The following POMGNT1 variants were observed in gnomAD, a reference collection of about 807,000 sequenced individuals.
The protein encoded by POMGNT1 is protein O-linked mannose N-acetylglucosaminyltransferase 1 (beta 1,2-).
A neutral mutation model predicts 95.6 loss-of-function variants in POMGNT1; 67 were observed. That is an observed-to-expected ratio of 0.70 (90% CI 0.58 to 0.86). The LOEUF (loss-of-function observed/expected upper bound fraction) is 0.86. Ranked by LOEUF, POMGNT1 falls within the 40% of genes least tolerant of loss-of-function variation. The pLI is 0.00. For missense variants in POMGNT1, 719 were observed against 855.2 expected, an observed-to-expected ratio of 0.84 and a Z score of 1.99; for synonymous variants, 298 against 317.9, an observed-to-expected ratio of 0.94 and a Z score of 0.66.
At chr1:46,195,448 CCTCT>C in intron 6 of POMGNT1, 1 of 378,848 alleles carries the variant, frequency 2.6e-6, no homozygotes, top group East Asian at 6.5e-5. Flanking sequence ...TGTCCCCTCC[CCTCT>C]ATCATTCATT....
At chr1:46,219,502 G>A (rs974773394) in intron 1 of POMGNT1, among the ~76,000 whole-genome samples, 1 of 152,172 alleles carries the variant, frequency 6.6e-6, no homozygotes, top group African/African-American at 2.4e-5. Context: ...GCTCAAAGAA[G>A]ATATGTCTAA....
Position 46,198,396 on chromosome 1 carries a change from C to T in POMGNT1, c.-111G>A, listed in dbSNP as rs1231166627. On this transcript the variant is annotated 5_prime_UTR_variant, in exon 1 of 22. Transcript: ENST00000371984. ...AGGGCCCTCACTGCTCGGCCCGGCT[C>T]GCCGCGGCCTCCGCCTCCTCCATGC... The T allele has an allele frequency of 6.6e-6, 1 of 151,984 alleles. No homozygotes were observed. The highest frequency in any genetic ancestry group is 1.5e-5 in the Non-Finnish European group (1 of 67,668). The allele number at this position is 151,984 out of a possible 1,614,324, so 9.4% of individuals were successfully genotyped here.
At chr1:46,219,875 C>T (rs774247610) in exon 1 of POMGNT1, 1 of 1,613,758 alleles carries the variant, frequency 6.2e-7, no homozygotes, top group Non-Finnish European at 8.5e-7. Flanking sequence ...CAAGGCGAGG[C>T]AGCTGGGACA....
chr1:46,192,640 G>C, intron 14 of POMGNT1, 50 bp from the exon 15 acceptor site: 4 of 1,609,394 alleles, frequency 2.5e-6, no homozygotes, highest in Non-Finnish European at 3.4e-6. Context: ...GATAAATCTA[G>C]TCACACAGAG....
chr1:46,196,975 T>G lies in POMGNT1; in HGVS notation c.230A>C (p.Asp77Ala). 1 of 1,614,216 alleles carries G rather than the reference T, an allele frequency of 6.2e-7. No individual in the cohort carries two copies. The highest frequency in any genetic ancestry group is 1.1e-5 in the South Asian group (1 of 91,080). The change falls in exon 3 of 22, where the codon GAC becomes GCC. Residue 77 changes from aspartate to alanine, a missense_variant. Coordinates refer to ENST00000371984, the MANE Select transcript of POMGNT1 (RefSeq NM_017739.4). The surrounding 1 kb of genome is among the most constrained non-coding windows in gnomAD (Gnocchi z 4.4). Reference protein sequence around the residue: ...EANEDPEPEQDYDEALGRLEP... With the variant: ...EANEDPEPEQAYDEALGRLEP... ...CATCCTTAGCCTAGCCCTACCATAGTCTTGCTCTGGCTCTGGGTCTTCATT... is the reference window on the plus strand; with the variant it reads ...CATCCTTAGCCTAGCCCTACCATAGGCTTGCTCTGGCTCTGGGTCTTCATT...
intron 1 of POMGNT1, among the ~76,000 whole-genome samples, chr1:46,206,796 G>T (rs979411600): frequency 2.0e-5 from 3 of 152,188 alleles, no homozygotes; most frequent in African/African-American, 7.2e-5. Flanking sequence ...TCACAGAACT[G>T]AATGTGACCT....
Position 46,193,354 on chromosome 1 carries a change from C to T in POMGNT1, c.1061G>A (p.Arg354Lys), listed in dbSNP as rs1232391757. ...GCTGATGGGAGTATGCTGGATGCCC[C>T]TCAGACCAAACAGTGCCACCACATC... The part of the protein sequence containing the change: ...PMDVVALFGL[R>K]GIQHTPISIK... Residue 354 changes from arginine to lysine, a missense_variant, in exon 12 of 22, where the codon AGG becomes AAG. Coordinates refer to ENST00000371984, the MANE Select transcript of POMGNT1 (RefSeq NM_017739.4). The T allele has an allele frequency of 6.2e-7, 1 of 1,613,390 alleles. No homozygotes were observed. Among genetic ancestry groups the T allele is most frequent in the Non-Finnish European group, 8.5e-7 (1 of 1,179,704 alleles).
At chr1:46,192,621 A>G in intron 14 of POMGNT1, 31 bp from the exon 15 acceptor site, 2 of 1,612,414 alleles carry the variant, frequency 1.2e-6, no homozygotes, top group Non-Finnish European at 1.7e-6. Context: ...GAGTTCAGGG[A>G]GGGACAAGGA....
rs751903977 is a variant in POMGNT1 at position 46,194,798 on chromosome 1, C to T, written c.652+46G>A. Reference sequence around the variant, plus strand: ...CCCCATCTCCTAGGGTTCTGCTCCTCCCAGGCTCTTGATACTACAGAGTGG... The same window carrying T: ...CCCCATCTCCTAGGGTTCTGCTCCTTCCAGGCTCTTGATACTACAGAGTGG... On this transcript the variant is annotated intron_variant, in intron 7 of 21. Coordinates refer to ENST00000371984, the MANE Select transcript of POMGNT1 (RefSeq NM_017739.4). 3 of 1,613,716 alleles carry T rather than the reference C, an allele frequency of 1.9e-6. No homozygotes were observed. In the African/African-American group the frequency reaches 4.0e-5, roughly 22 times the overall value.
At chr1:46,203,582 C>G in intron 1 of POMGNT1, 8 of 1,580,322 alleles carry the variant, frequency 5.1e-6, no homozygotes, top group Non-Finnish European at 6.9e-6. Flanking sequence ...CTAGCACCGG[C>G]CACGACTTGG....
At chr1:46,218,845 G>A (rs189116337) in intron 1 of POMGNT1, among the ~76,000 whole-genome samples, 25 of 152,066 alleles carry the variant, frequency 1.6e-4, no homozygotes, top group Admixed American at 1.4e-3. Flanking sequence ...CCCTCTCGGT[G>A]GCTGCTACCA....
At chr1:46,203,333 C>T (rs910012045), upstream of POMGNT1, 2 of 1,177,148 alleles carry the variant, frequency 1.7e-6, no homozygotes, top group Non-Finnish European at 2.3e-6. Context: ...GGGGACCCAC[C>T]GGTTTTGCTC....
At chr1:46,194,726 C>G (rs1262947721) in intron 7 of POMGNT1, 75 bp from the exon 8 acceptor site, 1 of 1,613,986 alleles carries the variant, frequency 6.2e-7, no homozygotes, top group Non-Finnish European at 8.5e-7. Flanking sequence ...TCCCTGCCTA[C>G]TTTCATCCAA....
At chr1:46,200,014 A>G (rs1043162949), upstream of POMGNT1, among the ~76,000 whole-genome samples, 1 of 152,072 alleles carries the variant, frequency 6.6e-6, no homozygotes, top group Admixed American at 6.6e-5. Context: ...TACTAAAAAT[A>G]CAAAAGTTAG....
chr1:46,194,658 G>C lies in POMGNT1; in HGVS notation c.653-7C>G. On this transcript the variant is annotated splice_region_variant and splice_polypyrimidine_tract_variant and intron_variant, in intron 7 of 21. Coordinates refer to ENST00000371984, the MANE Select transcript of POMGNT1 (RefSeq NM_017739.4). ...TTCTCCCCGAAGACAGGACCTGGCA[G>C]GAGGCAGGAATGAGGGCCATGGGGG... 1 of 1,614,110 alleles carries C rather than the reference G, an allele frequency of 6.2e-7. No individual in the cohort carries two copies. The highest frequency in any genetic ancestry group is 8.5e-7 in the Non-Finnish European group (1 of 1,179,898).
upstream of POMGNT1, among the ~76,000 whole-genome samples, chr1:46,202,907 G>GGGA (rs1553164808): frequency 3.2e-5 from 1 of 31,182 alleles, no homozygotes; most frequent in African/African-American, 8.6e-5. Flanking sequence ...TCTAGCCCCT[G>GGGA]GGGGGGGGGG....
rs761836413 is a variant in POMGNT1 at position 46,192,115 on chromosome 1, T to C, written c.1522A>G (p.Met508Val). ...CCACTCACGTGAAAGTAGCCATTCA[T>C]GTTGAGGCCGACGATGCCAAAGTGG... ...SYHFGIVGLN[M>V]NGYFHEAYFK... The change falls in exon 17 of 22, where the codon ATG (methionine) becomes GTG (valine). Residue 508 changes from methionine to valine, a missense_variant. Met to Val is a conservative substitution (Grantham distance 21). This residue lies in a region of POMGNT1 where 118 missense variants were observed against 153.6 expected (regional missense o/e 0.77). Coordinates refer to ENST00000371984, the MANE Select transcript of POMGNT1 (RefSeq NM_017739.4). 3 of 1,613,994 alleles carry C rather than the reference T, an allele frequency of 1.9e-6. No homozygotes were observed. Among genetic ancestry groups the C allele is most frequent in the African/African-American group, 2.7e-5 (2 of 74,924 alleles).
chr1:46,220,239 G>A, exon 1 of POMGNT1: 2 of 1,577,518 alleles, frequency 1.3e-6, no homozygotes, highest in Non-Finnish European at 1.7e-6. Flanking sequence ...CCACCCTTTT[G>A]TAATCCTGTG....
intron 1 of POMGNT1, among the ~76,000 whole-genome samples, chr1:46,210,380 C>T (rs1468133973): frequency 6.6e-6 from 1 of 152,088 alleles, no homozygotes; most frequent in African/African-American, 2.4e-5. Flanking sequence ...GCAATCAGTT[C>T]TGCAGCAGAT....
Sources: allele counts gnomAD v4.1 joint callset (sites outside exome capture counted in the v4.1 genomes callset), GRCh38; gene constraint gnomAD v4.1.1; regional missense constraint gnomAD v4.1.1; non-coding constraint Gnocchi (gnomAD v3.1); transcripts MANE v1.5; gene names NCBI Gene and HGNC (gene_info 2026-07-23, HGNC 2026-07-21).